ZFHX3: variants seen among roughly 807,000 people sequenced by gnomAD.
ZFHX3 encodes the protein zinc finger homeobox protein 3.
A neutral mutation model predicts 279.1 loss-of-function variants in ZFHX3; 42 were observed. That is an observed-to-expected ratio of 0.15 (90% CI 0.12 to 0.19). The LOEUF is 0.19. Ranked by LOEUF, ZFHX3 falls within the 10% of genes least tolerant of loss-of-function variation. ZFHX3 has a pLI of 1.00. For missense variants in ZFHX3, 4,981 were observed against 4,754.0 expected (o/e 1.05, Z -1.40); for synonymous variants, 2,293 against 1,957.8 (o/e 1.17, Z -4.52).
intron 8 of ZFHX3, among the ~76,000 whole-genome samples, chr16:73,085,985 C>CA (rs57128744): frequency 0.098 from 5,242 of 53,510 alleles, 233 homozygotes; most frequent in African/African-American, 0.13. Context: ...AACTCAATTG[C>CA]AAAAAAAAAA....
chr16:72,787,296 A>G lies in ZFHX3; in HGVS notation c.10980T>C (p.Tyr3660=). ...TGAGATCCGTGTCAGACTCCTCCGAATAGTCGTCTGTTGGCATCGAGGGCT... is the reference window on the plus strand; with the variant it reads ...TGAGATCCGTGTCAGACTCCTCCGAGTAGTCGTCTGTTGGCATCGAGGGCT... The part of the protein sequence containing the change: ...GVQPSMPTDD[Y]SEESDTDLSQ... Residue 3660 remains tyrosine (Y), a synonymous_variant, in exon 10 of 10, where the codon TAT becomes TAC. Coordinates refer to ENST00000268489, the MANE Select transcript of ZFHX3 (RefSeq NM_006885.4). 2.5e-6 allele frequency: 4 copies of G among 1,613,924 alleles called. No individual in the cohort carries two copies. The highest frequency in any genetic ancestry group is 2.5e-6 in the Non-Finnish European group (3 of 1,179,990).
chr16:73,022,169 C>T (rs1454650113), intron 1 of ZFHX3, among the ~76,000 whole-genome samples: 1 of 152,204 alleles, frequency 6.6e-6, no homozygotes, highest in Non-Finnish European at 1.5e-5. Flanking sequence ...AAGCATTTCT[C>T]TCTTTTTTTG....
intron 2 of ZFHX3, among the ~76,000 whole-genome samples, chr16:73,665,245 G>A (rs956567577): frequency 2.8e-5 from 4 of 140,578 alleles, no homozygotes; most frequent in African/African-American, 1.1e-4. Context: ...ACAGAGTCTC[G>A]CTCTGTTGCG....
chr16:73,101,472 T>C (rs1205379773), intron 7 of ZFHX3, among the ~76,000 whole-genome samples: 1 of 152,116 alleles, frequency 6.6e-6, no homozygotes, highest in Non-Finnish European at 1.5e-5. Context: ...TCCGTCTCCC[T>C]GGTTCGAGCA....
intron 2 of ZFHX3, among the ~76,000 whole-genome samples, chr16:72,956,962 C>T (rs920542073): frequency 3.3e-5 from 5 of 152,114 alleles, no homozygotes; most frequent in South Asian, 4.1e-4. Flanking sequence ...ACTGTGGTTC[C>T]GAATTCCTAT....
chr16:73,317,056 C>A (rs1423941786), intron 4 of ZFHX3, among the ~76,000 whole-genome samples: 1 of 151,972 alleles, frequency 6.6e-6, no homozygotes, highest in Non-Finnish European at 1.5e-5. Context: ...GTGAGATGGG[C>A]AGGTCTAGGG....
intron 2 of ZFHX3, among the ~76,000 whole-genome samples, chr16:73,540,407 C>T (rs1046736884): frequency 2.0e-5 from 3 of 152,134 alleles, no homozygotes; most frequent in Non-Finnish European, 2.9e-5. Context: ...GAAATAACCC[C>T]TTTTTTCTTC....
intron 5 of ZFHX3, among the ~76,000 whole-genome samples, chr16:73,198,088 C>T (rs963340933): frequency 2.0e-5 from 3 of 151,718 alleles, no homozygotes; most frequent in African/African-American, 4.8e-5. Flanking sequence ...CAGGCGCGTG[C>T]TGCCATGACC....
intron 5 of ZFHX3, among the ~76,000 whole-genome samples, chr16:73,206,226 A>T (rs1008587606): frequency 2.0e-5 from 3 of 152,222 alleles, no homozygotes; most frequent in Non-Finnish European, 4.4e-5. Flanking sequence ...CACATGGATT[A>T]CCAATTTTAA....
intron 7 of ZFHX3, among the ~76,000 whole-genome samples, chr16:73,118,759 G>A (rs1354148946): frequency 6.6e-6 from 1 of 152,200 alleles, no homozygotes; most frequent in Non-Finnish European, 1.5e-5. Context: ...ATGGGTATTT[G>A]TAAGAGTGTT....
At chr16:73,413,083 A>G (rs1285979234) in intron 3 of ZFHX3, among the ~76,000 whole-genome samples, 1 of 152,266 alleles carries the variant, frequency 6.6e-6, no homozygotes, top group Non-Finnish European at 1.5e-5. Context: ...AATGGGGCAA[A>G]TAGATGGATT....
At chr16:73,304,414 C>A (rs752730112) in intron 4 of ZFHX3, among the ~76,000 whole-genome samples, 25 of 152,124 alleles carry the variant, frequency 1.6e-4, no homozygotes, top group Admixed American at 3.9e-4. Flanking sequence ...TCCCCGCGTG[C>A]CTCTGTGTGT....
intron 7 of ZFHX3, among the ~76,000 whole-genome samples, chr16:72,806,734 C>A (rs1597256288): frequency 1.3e-5 from 2 of 152,046 alleles, no homozygotes; most frequent in Non-Finnish European, 2.9e-5. Flanking sequence ...AACTATTGGT[C>A]TCAAAAGAGA....
intron 3 of ZFHX3, among the ~76,000 whole-genome samples, chr16:73,390,824 G>A (rs951814127): frequency 2.0e-5 from 3 of 151,968 alleles, no homozygotes; most frequent in Non-Finnish European, 4.4e-5. Flanking sequence ...GGTGTACCAT[G>A]TCAGAGTTAC....
At chr16:73,456,543 C>A (rs901163138) in intron 2 of ZFHX3, among the ~76,000 whole-genome samples, 1 of 152,182 alleles carries the variant, frequency 6.6e-6, no homozygotes, top group Non-Finnish European at 1.5e-5. Flanking sequence ...CCACTAACGA[C>A]TTGCAAAACA....
At chr16:72,988,635 G>C (rs1041115008) in intron 1 of ZFHX3, among the ~76,000 whole-genome samples, 1 of 152,114 alleles carries the variant, frequency 6.6e-6, no homozygotes, top group Non-Finnish European at 1.5e-5. Context: ...AACAGGTCAG[G>C]GTTCACCCAG....
chr16:72,973,899 A>G (rs1174248293), intron 1 of ZFHX3: 2 of 152,088 alleles, frequency 1.3e-5, no homozygotes, highest in African/African-American at 4.8e-5. Flanking sequence ...TCGGAAGGAG[A>G]AAAAATCAGG....
rs942962686 is a variant in ZFHX3 at position 73,559,046 on chromosome 16, G to T, written c.-1546-102788C>A. Among the ~76,000 whole-genome samples the T allele has an allele frequency of 1.6e-3, 228 of 145,046 alleles. 1 individual carries two copies. The highest frequency in any genetic ancestry group is 5.4e-3 in the African/African-American group (200 of 37,236). ...CTGCTCCTTAAGCACTCCTCTTTTT[G>T]TGTGTGTGTGTGTGTGTGTAGAGAC... On this transcript the variant is annotated intron_variant, in intron 2 of 17. Transcript: ENST00000641206.
At chr16:73,056,062 A>C (rs540672235) in intron 1 of ZFHX3, among the ~76,000 whole-genome samples, 2 of 152,232 alleles carry the variant, frequency 1.3e-5, no homozygotes, top group South Asian at 4.2e-4. Flanking sequence ...GAGGAGGGGG[A>C]AGGGAGACAC....
Sources: allele counts gnomAD v4.1 joint callset (sites outside exome capture counted in the v4.1 genomes callset), GRCh38; gene constraint gnomAD v4.1.1; transcripts MANE v1.5; gene names NCBI Gene and HGNC (gene_info 2026-07-23, HGNC 2026-07-21).